Variants in MCF2L observed in about 807,000 individuals in gnomAD.
MCF2L encodes the protein MCF.2 cell line derived transforming sequence like, also known as guanine nucleotide exchange factor DBS.
Under a neutral mutation model 153.4 loss-of-function variants are expected in MCF2L, and 97 were observed. The ratio of observed to expected loss-of-function variants is 0.63; its 90% confidence interval spans 0.54 to 0.75. The LOEUF is 0.75. Ranked by LOEUF, MCF2L falls within the 30% of genes least tolerant of loss-of-function variation. The pLI is 0.00. For missense variants in MCF2L, 1,347 were observed against 1,495.2 expected (o/e 0.90, Z 1.64); for synonymous variants, 659 against 632.2 (o/e 1.04, Z -0.64).
At chr13:112,938,798 C>T (rs1485465459) in intron 2 of MCF2L, among the ~76,000 whole-genome samples, 1 of 152,198 alleles carries the variant, frequency 6.6e-6, no homozygotes. Flanking sequence ...GCTCCCACAA[C>T]CACCGAGGCA....
At chr13:113,008,658 C>CA (rs2083869430) in intron 1 of MCF2L, 1 of 152,152 alleles carries the variant, frequency 6.6e-6, no homozygotes, top group East Asian at 1.9e-4. Context: ...GCAAGAACAA[C>CA]AAAAAGAGGG....
Position 113,077,116 on chromosome 13 carries a change from C to G in MCF2L, c.1565C>G (p.Ala522Gly). 6.2e-7 allele frequency: 1 copy of G among 1,612,824 alleles called. No homozygotes were observed. The change falls in exon 13 of 30, where the codon GCC (alanine) becomes GGC (glycine). Residue 522 changes from alanine to glycine, a missense_variant. By Grantham distance (60) the Ala-to-Gly change is moderately conservative (BLOSUM62 0). This residue lies in a region of MCF2L where 820 missense variants were observed against 921.2 expected (regional missense o/e 0.89). Transcript: ENST00000535094. ...SMEEVFHRRQ[A>G]SLKKLAARQT... Reference sequence around the variant, plus strand: ...GAGGAGGTGTTCCACCGCAGGCAGGCCAGCCTGAAGAAGCTGGCGGCCAGG... The same window carrying G: ...GAGGAGGTGTTCCACCGCAGGCAGGGCAGCCTGAAGAAGCTGGCGGCCAGG...
In MCF2L at chr13:112,907,365, T is replaced by A. The variant is rs1258038934; in HGVS notation, c.169+4994T>A. 6.6e-6 allele frequency among the ~76,000 whole-genome samples: 1 copy of A among 152,218 alleles called. No individual in the cohort carries two copies. Among genetic ancestry groups the A allele is most frequent in the African/African-American group, 2.4e-5 (1 of 41,458 alleles). ...TGGAAGGAAATTGGCTTTTTGGCTA[T>A]CCACAGTGTTTCTGGCATGGGTCAT... On this transcript the variant is annotated intron_variant, in intron 2 of 29. Coordinates refer to the MCF2L transcript ENST00000375608. The surrounding 1 kb of genome is among the most constrained non-coding windows in gnomAD (Gnocchi z 5.1).
chr13:113,011,790 G>A (rs1230637796), intron 1 of MCF2L, among the ~76,000 whole-genome samples: 24 of 125,204 alleles, frequency 1.9e-4, no homozygotes, highest in African/African-American at 7.1e-4. Context: ...TGGACACTGT[G>A]ATGCGGACGG....
At chr13:112,916,973 CTG>C (rs1239681163) in intron 2 of MCF2L, 2 of 436,376 alleles carry the variant, frequency 4.6e-6, no homozygotes. Context: ...CCACACTGGT[CTG>C]TGTCCCCATC....
chr13:113,010,439 A>T (rs2084015683), intron 1 of MCF2L: 1 of 152,224 alleles, frequency 6.6e-6, no homozygotes, highest in Non-Finnish European at 1.5e-5. Flanking sequence ...TTCTGTGAGG[A>T]AAAGTCAGTG....
intron 2 of MCF2L, among the ~76,000 whole-genome samples, chr13:112,918,232 G>A (rs1438419384): frequency 1.3e-5 from 2 of 152,178 alleles, no homozygotes; most frequent in African/African-American, 4.8e-5. Flanking sequence ...GGATGAGGAG[G>A]GTCCCTGGAA....
intron 2 of MCF2L, among the ~76,000 whole-genome samples, chr13:112,962,757 G>A (rs1284213753): frequency 5.9e-5 from 9 of 152,224 alleles, no homozygotes; most frequent in Non-Finnish European, 1.2e-4. Context: ...GAGAGGGTAT[G>A]AGGAAGGAGC....
intron 1 of MCF2L, among the ~76,000 whole-genome samples, chr13:112,992,484 C>T (rs1475505615): frequency 6.6e-6 from 1 of 152,238 alleles, no homozygotes; most frequent in East Asian, 1.9e-4. Flanking sequence ...AGCCACCACC[C>T]ACCCAGGTGC....
At chr13:113,021,235 T>C (rs769152513) in intron 2 of MCF2L, among the ~76,000 whole-genome samples, 1 of 152,160 alleles carries the variant, frequency 6.6e-6, no homozygotes, top group Non-Finnish European at 1.5e-5. Flanking sequence ...AGTAGCTGTG[T>C]GTGTAACTGT....
At chr13:112,931,310 C>T (rs55894601) in intron 2 of MCF2L, among the ~76,000 whole-genome samples, 31,814 of 152,176 alleles carry the variant, frequency 0.21, 3,924 homozygotes, top group South Asian at 0.29. Flanking sequence ...AGAAGCCACA[C>T]AAACGCCCCA....
intron 4 of MCF2L, among the ~76,000 whole-genome samples, chr13:113,048,437 CT>C (rs35857164): frequency 0.22 from 22,643 of 103,732 alleles, 723 homozygotes; most frequent in Admixed American, 0.27. Flanking sequence ...AATTTACGGT[CT>C]TTTTTTTTTT....
rs2086082635 is a variant in MCF2L, at chr13:113,035,268, G to A, written c.279-10003G>A. On this transcript the variant is annotated intron_variant, in intron 3 of 29. Transcript: ENST00000535094. The surrounding 1 kb of genome is among the most constrained non-coding windows in gnomAD (Gnocchi z 4.4). ...TGTCCTGCTGTAACTACCATGTAGT[G>A]CACTTATGAATCGTGCATATTTTAC... Among the ~76,000 whole-genome samples the A allele has an allele frequency of 1.3e-5, 2 of 152,210 alleles. No homozygotes were observed. Among genetic ancestry groups the A allele is most frequent in the African/African-American group, 4.8e-5 (2 of 41,458 alleles).
At chr13:113,065,881 C>A (rs2032281346) in intron 7 of MCF2L, among the ~76,000 whole-genome samples, 165 bp from the exon 8 acceptor site, 1 of 152,262 alleles carries the variant, frequency 6.6e-6, no homozygotes, top group Admixed American at 6.5e-5. Context: ...ATCACCCCGC[C>A]TGCCCGCACG....
At chr13:113,071,819 T>A (rs1295800328) in intron 9 of MCF2L, among the ~76,000 whole-genome samples, 1 of 152,256 alleles carries the variant, frequency 6.6e-6, no homozygotes, top group Non-Finnish European at 1.5e-5. Flanking sequence ...CTCTTTGTTT[T>A]CTTTTTCAAA....
At chr13:113,022,050 C>T (rs1341423640) in intron 2 of MCF2L, among the ~76,000 whole-genome samples, 1 of 152,184 alleles carries the variant, frequency 6.6e-6, no homozygotes, top group Non-Finnish European at 1.5e-5. Context: ...GCTCCTGCCC[C>T]AAGGCTGCCC....
At chr13:112,902,276 A>G (rs752745702) in exon 2 of MCF2L, 10 of 1,612,854 alleles carry the variant, frequency 6.2e-6, no homozygotes, top group African/African-American at 1.3e-5. Flanking sequence ...CAACGGCCCA[A>G]TGAGGCCAAA....
At chr13:112,902,292 G>A (rs1299554033) in exon 2 of MCF2L, 5 of 1,612,774 alleles carry the variant, frequency 3.1e-6, no homozygotes, top group Admixed American at 3.3e-5. Flanking sequence ...CCAAAAAGGA[G>A]GAAACGGATC....
Position 113,058,886 on chromosome 13 carries a change from G to A in MCF2L, c.370-1707G>A, listed in dbSNP as rs150950424. On this transcript the variant is annotated intron_variant, in intron 4 of 29. Transcript: ENST00000535094. Reference sequence around the variant, plus strand: ...ATGTGTGGGCGCTGTGTATTTGGGCGCTGAGTGGGCGCTGAGTGTTTAGGT... The same window carrying A: ...ATGTGTGGGCGCTGTGTATTTGGGCACTGAGTGGGCGCTGAGTGTTTAGGT... 4.0e-3 allele frequency among the ~76,000 whole-genome samples: 598 copies of A among 150,312 alleles called. 3 individuals are homozygous for A. Among genetic ancestry groups the A allele is most frequent in the African/African-American group, 0.014 (570 of 40,910 alleles).
Sources: gnomAD v4.1 joint callset for allele counts (sites outside exome capture counted in the v4.1 genomes callset) on GRCh38, gnomAD v4.1.1 for gene constraint, gnomAD v4.1.1 regional missense constraint, Gnocchi (gnomAD v3.1) non-coding constraint, MANE v1.5 for transcripts, NCBI Gene and HGNC (gene_info 2026-07-23, HGNC 2026-07-21) for gene names.